The following HS3ST4 variants were observed in gnomAD, a reference collection of about 807,000 sequenced individuals.
The protein encoded by HS3ST4 is heparan sulfate glucosamine 3-O-sulfotransferase 4.
In HS3ST4, 17 loss-of-function variants were observed where a neutral mutation model predicts 29.2. That is an observed-to-expected ratio of 0.58 (90% confidence interval 0.40 to 0.87). The LOEUF is 0.87. Among genes scored for constraint, HS3ST4 ranks in the 40% least tolerant of loss-of-function variants. The pLI, the probability that HS3ST4 is intolerant of heterozygous loss-of-function variation, is 0.00. For synonymous variants in HS3ST4, 314 were observed against 285.7 expected (o/e 1.10, Z -1.00); for missense variants, 627 against 634.5 (o/e 0.99, Z 0.13).
intron 1 of HS3ST4, among the ~76,000 whole-genome samples, chr16:25,752,489 A>G (rs1966728474): frequency 6.6e-6 from 1 of 152,192 alleles, no homozygotes; most frequent in African/African-American, 2.4e-5. Flanking sequence ...GGAACGGATT[A>G]TAGGCAAATT....
chr16:25,997,914 C>T (rs189236783), intron 1 of HS3ST4, among the ~76,000 whole-genome samples: 4 of 152,212 alleles, frequency 2.6e-5, no homozygotes, highest in Admixed American at 2.6e-4. Context: ...CCTAGTCTTC[C>T]TCCAGATATC....
intron 1 of HS3ST4, among the ~76,000 whole-genome samples, chr16:26,077,080 C>T (rs1749184858): frequency 6.6e-6 from 1 of 152,154 alleles, no homozygotes; most frequent in Non-Finnish European, 1.5e-5. Context: ...TTCATTCATG[C>T]AGCTGCAGTC....
intron 1 of HS3ST4, among the ~76,000 whole-genome samples, chr16:26,043,171 G>T (rs1275731573): frequency 1.3e-5 from 2 of 152,320 alleles, no homozygotes; most frequent in Non-Finnish European, 2.9e-5. Context: ...AAACTGCACA[G>T]TGCAAGCATA....
intron 1 of HS3ST4, among the ~76,000 whole-genome samples, chr16:25,705,238 T>C (rs936125998): frequency 6.6e-6 from 1 of 152,194 alleles, no homozygotes; most frequent in Non-Finnish European, 1.5e-5. Context: ...CCGCACACCA[T>C]TCCCTCCAGG....
intron 1 of HS3ST4, among the ~76,000 whole-genome samples, chr16:25,781,143 C>T (rs1011877127): frequency 5.9e-5 from 9 of 152,210 alleles, no homozygotes; most frequent in African/African-American, 1.7e-4. Context: ...ACCTCACCTA[C>T]CTTCTGTCCT....
intron 1 of HS3ST4, among the ~76,000 whole-genome samples, chr16:25,852,641 T>C (rs1161191889): frequency 6.6e-6 from 1 of 152,050 alleles, no homozygotes; most frequent in Non-Finnish European, 1.5e-5. Context: ...ATTTCTGTCA[T>C]ATAGGATGGA....
chr16:25,983,947 T>C (rs187688381), intron 1 of HS3ST4, among the ~76,000 whole-genome samples: 122 of 152,294 alleles, frequency 8.0e-4, no homozygotes, highest in Non-Finnish European at 1.5e-3. Context: ...TATTTTTATT[T>C]CTTTAAATTG....
intron 1 of HS3ST4, among the ~76,000 whole-genome samples, chr16:25,976,374 T>C (rs1029153251): frequency 6.6e-6 from 1 of 152,160 alleles, no homozygotes; most frequent in Non-Finnish European, 1.5e-5. Flanking sequence ...GGTGCCATCA[T>C]GGCTCACTGC....
chr16:26,028,046 G>A (rs1370081443), intron 1 of HS3ST4, among the ~76,000 whole-genome samples: 1 of 152,130 alleles, frequency 6.6e-6, no homozygotes, highest in African/African-American at 2.4e-5. Context: ...GCCGAGGTGG[G>A]TGGATCACCT....
intron 1 of HS3ST4, among the ~76,000 whole-genome samples, chr16:25,989,412 A>G (rs1419968773): frequency 6.6e-6 from 1 of 152,216 alleles, no homozygotes; most frequent in African/African-American, 2.4e-5. Context: ...GGTGACATAC[A>G]TGGGAAGACC....
In HS3ST4 at chr16:26,135,912, G is replaced by T; in HGVS notation, c.1035G>T (p.Gln345His). The change falls in exon 2 of 2, where the codon CAG becomes CAT. Residue 345 changes from glutamine to histidine, a missense_variant. By Grantham distance (24) the Gln-to-His change is conservative (BLOSUM62 0). Around this residue, in one of 2 missense-constraint regions of HS3ST4, gnomAD observed 225 missense variants for 293.7 expected, o/e 0.77. Transcript: ENST00000331351. ...CGCTGCATCTGGAAAACTGGCTCCA[G>T]TATTTCCCCCTCTCCCAGATCCTCT... Reference protein sequence around the residue: ...IYALHLENWLQYFPLSQILFV... With the variant: ...IYALHLENWLHYFPLSQILFV... 1 of 1,613,996 alleles carries T rather than the reference G, an allele frequency of 6.2e-7. No individual in the cohort carries two copies.
chr16:25,939,921 T>C (rs1968556286), intron 1 of HS3ST4, among the ~76,000 whole-genome samples: 1 of 152,208 alleles, frequency 6.6e-6, no homozygotes, highest in Non-Finnish European at 1.5e-5. Context: ...ATGCCTAATT[T>C]ACTGGATAAG....
chr16:25,692,088 G>A lies in HS3ST4; in HGVS notation c.-330G>A, dbSNP rs992911187. On this transcript the variant is annotated 5_prime_UTR_variant, in exon 1 of 2. Transcript: ENST00000331351. ...CCGCGGCGGAGCCGGGGAAGCGGGG[G>A]CGCTGCAGACGGAGCAGGTGCCGCC... 1.3e-5 allele frequency: 2 copies of A among 151,306 alleles called. No homozygotes were observed. The highest frequency in any genetic ancestry group is 2.0e-4 in the East Asian group (1 of 5,060). The allele number at this position is 151,306 out of a possible 1,614,324, so 9.4% of individuals were successfully genotyped here. A position where few individuals can be genotyped will look rare whatever the true frequency, so the allele number is the denominator to read the frequency against.
At chr16:25,872,911 G>A (rs190525561) in intron 1 of HS3ST4, among the ~76,000 whole-genome samples, 30 of 150,088 alleles carry the variant, frequency 2.0e-4, no homozygotes, top group Non-Finnish European at 3.3e-4. Context: ...GTTTTGTTTC[G>A]TTTTGCCAGA....
At chr16:25,895,825 AATC>A (rs796355901) in intron 1 of HS3ST4, among the ~76,000 whole-genome samples, 28 of 152,228 alleles carry the variant, frequency 1.8e-4, no homozygotes, top group African/African-American at 6.7e-4. Flanking sequence ...CCCATGACCT[AATC>A]ACTTCCCCAA....
At chr16:25,717,832 T>C (rs1966466977) in intron 1 of HS3ST4, among the ~76,000 whole-genome samples, 1 of 152,092 alleles carries the variant, frequency 6.6e-6, no homozygotes, top group South Asian at 2.1e-4. Context: ...CTAATTGCTA[T>C]GTGGGCAATG....
rs931533910 is a variant in HS3ST4, at chr16:25,828,266, T to C, written c.734+135115T>C. On this transcript the variant is annotated intron_variant, in intron 1 of 1. Transcript: ENST00000331351. ...TCTCTTTCTTTCTTTCTTTCTTTCTTTCTTTCTTTCTTTCTTTCTTTCTTT... is the reference window on the plus strand; with the variant it reads ...TCTCTTTCTTTCTTTCTTTCTTTCTCTCTTTCTTTCTTTCTTTCTTTCTTT... Among the ~76,000 whole-genome samples, 584 of 81,668 alleles carry C rather than the reference T, an allele frequency of 7.2e-3. 35 individuals are homozygous for C. Among genetic ancestry groups the C allele is most frequent in the South Asian group, 0.024 (47 of 1,934 alleles). The allele number at this position is 81,668 out of a possible 152,430, so 53.6% of individuals were successfully genotyped here.
chr16:26,043,323 A>C (rs928967706), intron 1 of HS3ST4, among the ~76,000 whole-genome samples: 5 of 152,234 alleles, frequency 3.3e-5, no homozygotes, highest in Admixed American at 6.5e-5. Context: ...GAACCCTTTC[A>C]TGCGGGAGGA....
chr16:25,941,381 A>G (rs1258215398), intron 1 of HS3ST4, among the ~76,000 whole-genome samples: 1 of 150,938 alleles, frequency 6.6e-6, no homozygotes, highest in East Asian at 1.9e-4. Context: ...CTGGTCTTGA[A>G]CTCCCACCTC....
Sources: gnomAD v4.1 joint callset for allele counts (sites outside exome capture counted in the v4.1 genomes callset) on GRCh38, gnomAD v4.1.1 for gene constraint, gnomAD v4.1.1 regional missense constraint, MANE v1.5 for transcripts, NCBI Gene and HGNC (gene_info 2026-07-23, HGNC 2026-07-21) for gene names.